Variants in COG5 observed in about 807,000 individuals in gnomAD.
The protein encoded by COG5 is component of oligomeric golgi complex 5.
COG5 carries 86 observed loss-of-function variants against 110.4 expected under a neutral mutation model. That is an observed-to-expected ratio of 0.78 (90% CI 0.65 to 0.93). COG5 has a LOEUF of 0.93. Among genes scored for constraint, COG5 ranks in the 40% least tolerant of loss-of-function variants. The probability of loss-of-function intolerance (pLI) is 0.00; values close to 1 mark genes in which losing one functional copy is unlikely to be tolerated. For missense variants in COG5, 1,077 were observed against 987.0 expected, an observed-to-expected ratio of 1.09 and a Z score of -1.22; for synonymous variants, 360 against 334.6, an observed-to-expected ratio of 1.08 and a Z score of -0.83.
chr7:107,201,685 T>C lies in COG5; in HGVS notation c.*1831A>G, dbSNP rs908767852. On this transcript the variant is annotated 3_prime_UTR_variant, in exon 22 of 22. Transcript: ENST00000297135. ...CCAAACTTCATATATGTCTATCAGGTAATAATAGGCTTGAAAATTGATATC... is the reference window on the plus strand; with the variant it reads ...CCAAACTTCATATATGTCTATCAGGCAATAATAGGCTTGAAAATTGATATC... 2 of 372,452 alleles carry C rather than the reference T, an allele frequency of 5.4e-6. No homozygotes were observed. The highest frequency in any genetic ancestry group is 9.6e-6 in the Non-Finnish European group (2 of 207,274). The allele number at this position is 372,452 out of a possible 1,614,324, so 23.1% of individuals were successfully genotyped here.
chr7:107,422,653 T>TAACA (rs1793374853), intron 6 of COG5, among the ~76,000 whole-genome samples: 1 of 151,424 alleles, frequency 6.6e-6, no homozygotes, highest in Non-Finnish European at 1.5e-5. Context: ...CATTTTCCAC[T>TAACA]AACATCTGTG....
intron 7 of COG5, among the ~76,000 whole-genome samples, chr7:107,403,902 T>C (rs1284689774): frequency 1.0e-5 from 1 of 98,896 alleles, no homozygotes; most frequent in East Asian, 2.0e-4. Flanking sequence ...GGTGACTCTA[T>C]TATTATTATT....
At chr7:107,428,072 T>C (rs1336940366) in intron 6 of COG5, among the ~76,000 whole-genome samples, 1 of 151,650 alleles carries the variant, frequency 6.6e-6, no homozygotes, top group African/African-American at 2.4e-5. Flanking sequence ...AAAAAACCAA[T>C]TAGGAAAGGG....
chr7:107,478,994 A>G (rs1455709053), intron 6 of COG5, among the ~76,000 whole-genome samples: 1 of 152,098 alleles, frequency 6.6e-6, no homozygotes, highest in Non-Finnish European at 1.5e-5. Context: ...AATCTTACAG[A>G]AAAGAGGCAT....
intron 6 of COG5, among the ~76,000 whole-genome samples, chr7:107,464,137 T>G (rs745895715): frequency 2.0e-5 from 3 of 152,160 alleles, no homozygotes; most frequent in Non-Finnish European, 2.9e-5. Context: ...AGAGCAGCTA[T>G]GTACCAGTCA....
intron 7 of COG5, among the ~76,000 whole-genome samples, chr7:107,374,421 G>C (rs897356148): frequency 3.3e-5 from 5 of 151,986 alleles, no homozygotes; most frequent in African/African-American, 1.2e-4. Flanking sequence ...TATATTTATT[G>C]CCTTTACTAT....
At chr7:107,407,639 G>A (rs1791954229) in intron 7 of COG5, among the ~76,000 whole-genome samples, 1 of 144,914 alleles carries the variant, frequency 6.9e-6, no homozygotes, top group African/African-American at 2.6e-5. Flanking sequence ...TTTTTCAAAG[G>A]TGCTATTATA....
chr7:107,462,931 CTAT>C (rs1796089337), intron 6 of COG5, among the ~76,000 whole-genome samples: 1 of 152,150 alleles, frequency 6.6e-6, no homozygotes, highest in Non-Finnish European at 1.5e-5. Context: ...GAAGGTTAGG[CTAT>C]TGGCAACAGG....
chr7:107,527,826 A>G (rs1175826774), intron 5 of COG5, among the ~76,000 whole-genome samples: 1 of 152,230 alleles, frequency 6.6e-6, no homozygotes, highest in Non-Finnish European at 1.5e-5. Flanking sequence ...TACAAATTCA[A>G]GTGGGTAGAC....
intron 10 of COG5, among the ~76,000 whole-genome samples, chr7:107,343,633 G>A (rs567681395): frequency 2.0e-5 from 3 of 152,184 alleles, no homozygotes; most frequent in African/African-American, 7.2e-5. Context: ...GCGAGCTGAC[G>A]TCGCACCACT....
chr7:107,442,886 A>T (rs951252165), intron 6 of COG5, among the ~76,000 whole-genome samples: 1 of 152,214 alleles, frequency 6.6e-6, no homozygotes, highest in East Asian at 1.9e-4. Flanking sequence ...ACCTAGCAGT[A>T]TAACTCTCCA....
intron 6 of COG5, among the ~76,000 whole-genome samples, chr7:107,497,423 A>G (rs1335340713): frequency 6.6e-6 from 1 of 152,218 alleles, no homozygotes; most frequent in East Asian, 1.9e-4. Context: ...CCAAAAAACT[A>G]TTAACATAAA....
intron 19 of COG5, 73 bp downstream of exon 19, chr7:107,230,542 G>T: frequency 3.6e-6 from 4 of 1,121,658 alleles, no homozygotes; most frequent in Non-Finnish European, 5.5e-6. Context: ...GCAATTTTAT[G>T]AAGTTCAACC....
chr7:107,302,197 C>G (rs1048856843), intron 11 of COG5, among the ~76,000 whole-genome samples: 9 of 152,070 alleles, frequency 5.9e-5, no homozygotes, highest in Non-Finnish European at 1.0e-4. Flanking sequence ...TACTATGCAA[C>G]AACAAAAACA....
At chr7:107,486,619 G>A (rs1797672158) in intron 6 of COG5, among the ~76,000 whole-genome samples, 1 of 152,022 alleles carries the variant, frequency 6.6e-6, no homozygotes, top group Non-Finnish European at 1.5e-5. Context: ...ATAGTAATAA[G>A]TGAATAATAA....
At chr7:107,312,005 A>G (rs1808314978) in intron 11 of COG5, among the ~76,000 whole-genome samples, 1 of 152,064 alleles carries the variant, frequency 6.6e-6, no homozygotes, top group Non-Finnish European at 1.5e-5. Flanking sequence ...TTACCCTGAC[A>G]TACAGAGTAA....
At chr7:107,225,545 C>CA in intron 19 of COG5, among the ~76,000 whole-genome samples, 1 of 152,264 alleles carries the variant, frequency 6.6e-6, no homozygotes, top group East Asian at 1.9e-4. Context: ...GACAGGGTCT[C>CA]ACTCTGTCAC....
In COG5 at chr7:107,295,922, C is replaced by G. The variant is rs1179362882; in HGVS notation, c.1313+2220G>C. 2.6e-5 allele frequency among the ~76,000 whole-genome samples: 4 copies of G among 152,108 alleles called. No homozygotes were observed. In the South Asian group the frequency reaches 6.2e-4, roughly 24 times the overall value. ...TTCTCTTGCTCAGCCTCCCAAGTAG[C>G]TGGGATTACAGGCATGCACCACCAC... On this transcript the variant is annotated intron_variant, in intron 12 of 21. Coordinates refer to ENST00000297135, the MANE Select transcript of COG5 (RefSeq NM_006348.5).
At chr7:107,249,883 G>A (rs561953518) in intron 16 of COG5, among the ~76,000 whole-genome samples, 1 of 152,138 alleles carries the variant, frequency 6.6e-6, no homozygotes, top group African/African-American at 2.4e-5. Flanking sequence ...CACTAAAAAA[G>A]TTTCGGATTC....
Sources: gnomAD v4.1 joint callset for allele counts (sites outside exome capture counted in the v4.1 genomes callset) on GRCh38, gnomAD v4.1.1 for gene constraint, MANE v1.5 for transcripts, NCBI Gene and HGNC (gene_info 2026-07-23, HGNC 2026-07-21) for gene names.